Variants in FSTL4 observed in about 807,000 individuals in gnomAD.
FSTL4 encodes follistatin-related protein 4.
Under a neutral mutation model 78.2 loss-of-function variants are expected in FSTL4, and 28 were observed. That is an observed-to-expected ratio of 0.36 (90% CI 0.27 to 0.49). The LOEUF (loss-of-function observed/expected upper bound fraction) is 0.49, where lower values mean the gene tolerates loss of function less well. Among genes scored for constraint, FSTL4 ranks in the 20% least tolerant of loss-of-function variants. The probability of loss-of-function intolerance (pLI) is 0.98; values close to 1 mark genes in which losing one functional copy is unlikely to be tolerated. For synonymous variants in FSTL4, 422 were observed against 440.5 expected, an observed-to-expected ratio of 0.96 and a Z score of 0.53; for missense variants, 922 against 1,084.9, an observed-to-expected ratio of 0.85 and a Z score of 2.11.
At chr5:133,697,615 A>G in the FSTL4 span, among the ~76,000 whole-genome samples, 1 of 152,252 alleles carries the variant, frequency 6.6e-6, no homozygotes, top group Non-Finnish European at 1.5e-5. Flanking sequence ...CTGAATTTAT[A>G]AAGTCAATCT....
chr5:133,834,545 T>C, the FSTL4 span, among the ~76,000 whole-genome samples: 1 of 151,842 alleles, frequency 6.6e-6, no homozygotes, highest in African/African-American at 2.4e-5. Context: ...TAGACATACA[T>C]AGAAAAAGGA....
At chr5:133,757,098 A>G in the FSTL4 span, among the ~76,000 whole-genome samples, 1 of 152,156 alleles carries the variant, frequency 6.6e-6, no homozygotes. Flanking sequence ...CCTCCCATTT[A>G]GCAAAATCCT....
the FSTL4 span, among the ~76,000 whole-genome samples, chr5:133,721,480 C>T: frequency 6.6e-6 from 1 of 152,164 alleles, no homozygotes; most frequent in Non-Finnish European, 1.5e-5. Flanking sequence ...TGATGAATTC[C>T]TTCAGCTTTT....
intron 4 of FSTL4, among the ~76,000 whole-genome samples, chr5:133,328,434 C>T (rs1699064177): frequency 6.6e-6 from 1 of 152,208 alleles, no homozygotes; most frequent in Non-Finnish European, 1.5e-5. Context: ...TTGGTTGGAT[C>T]CCTGGGAGAG....
the FSTL4 span, among the ~76,000 whole-genome samples, chr5:133,617,847 G>A: frequency 2.0e-5 from 3 of 152,076 alleles, no homozygotes; most frequent in African/African-American, 7.2e-5. Flanking sequence ...AGATGAGGGC[G>A]TGGCATACGA....
the FSTL4 span, among the ~76,000 whole-genome samples, chr5:133,693,708 A>G: frequency 3.3e-5 from 5 of 152,200 alleles, no homozygotes; most frequent in Non-Finnish European, 7.3e-5. Context: ...ATAGAAGTTT[A>G]TTTGGCTCAC....
At chr5:133,592,474 T>C (rs1178670399) in intron 2 of FSTL4, among the ~76,000 whole-genome samples, 1 of 152,248 alleles carries the variant, frequency 6.6e-6, no homozygotes, top group African/African-American at 2.4e-5. Context: ...CAGATAATTT[T>C]GTTCTAGTCA....
Position 133,328,132 on chromosome 5 carries a change from C to T in FSTL4, c.410-11480G>A, listed in dbSNP as rs187054456. Among the ~76,000 whole-genome samples, 7 of 152,348 alleles carry T rather than the reference C, an allele frequency of 4.6e-5. No individual in the cohort carries two copies. In the East Asian group the frequency reaches 1.2e-3, roughly 25 times the overall value. ...CCTTTTACCCAGGGTTAAACACACA[C>T]GAGGCCATGCAGACCTTGCGCCTGG... is the stretch of plus-strand genomic sequence containing the variant. On this transcript the variant is annotated intron_variant, in intron 4 of 15. Transcript: ENST00000265342.
intron 11 of FSTL4, among the ~76,000 whole-genome samples, chr5:133,222,082 C>A (rs914870453): frequency 6.6e-6 from 1 of 151,668 alleles, no homozygotes; most frequent in African/African-American, 2.4e-5. Flanking sequence ...CCCAGAGGCA[C>A]TAATGTGAGT....
At chr5:133,320,419 G>C (rs1321674559) in intron 4 of FSTL4, among the ~76,000 whole-genome samples, 1 of 151,998 alleles carries the variant, frequency 6.6e-6, no homozygotes, top group Admixed American at 6.6e-5. Context: ...TCAGCTAAAG[G>C]CTCCCTCCCC....
upstream of FSTL4, among the ~76,000 whole-genome samples, chr5:133,616,181 G>A (rs1426325950): frequency 6.6e-6 from 1 of 152,200 alleles, no homozygotes; most frequent in Non-Finnish European, 1.5e-5. Context: ...AGGGATGAAA[G>A]AGGGAACATA....
At chr5:133,809,230 G>C in the FSTL4 span, among the ~76,000 whole-genome samples, 1 of 152,114 alleles carries the variant, frequency 6.6e-6, no homozygotes, top group Admixed American at 6.5e-5. Flanking sequence ...AGCTGGGCAT[G>C]GTGGTGCATG....
At chr5:133,255,046 C>T (rs1486869070) in intron 6 of FSTL4, among the ~76,000 whole-genome samples, 2 of 152,232 alleles carry the variant, frequency 1.3e-5, no homozygotes, top group Non-Finnish European at 2.9e-5. Context: ...GCTGTGGCTC[C>T]AATGCCCCTG....
intron 13 of FSTL4, among the ~76,000 whole-genome samples, chr5:133,212,965 G>A (rs1392799568): frequency 1.3e-5 from 2 of 151,116 alleles, no homozygotes; most frequent in East Asian, 3.9e-4. Context: ...TGAAAGAAAA[G>A]AATCGCTAAC....
chr5:133,526,194 C>T (rs1000334210), intron 3 of FSTL4, among the ~76,000 whole-genome samples: 5 of 152,144 alleles, frequency 3.3e-5, no homozygotes, highest in Non-Finnish European at 4.4e-5. Context: ...ATGAGGCCTA[C>T]GGTAAATGAT....
the FSTL4 span, among the ~76,000 whole-genome samples, chr5:133,759,388 A>G: frequency 6.6e-6 from 1 of 152,192 alleles, no homozygotes; most frequent in African/African-American, 2.4e-5. Flanking sequence ...GAAATGTGGT[A>G]ATTCATATGC....
At chr5:133,722,906 T>C in the FSTL4 span, among the ~76,000 whole-genome samples, 18 of 152,354 alleles carry the variant, frequency 1.2e-4, no homozygotes, top group East Asian at 3.5e-3. Context: ...TGGTCTGGGC[T>C]ACAGAAGTTT....
chr5:133,773,074 G>A, the FSTL4 span, among the ~76,000 whole-genome samples: 7 of 151,788 alleles, frequency 4.6e-5, no homozygotes, highest in Admixed American at 4.6e-4. Flanking sequence ...TTCTAATACA[G>A]AATTAATATT....
rs1757125754 is a variant in FSTL4 at position 133,440,317 on chromosome 5, C to T, written c.161-39331G>A. On this transcript the variant is annotated intron_variant, in intron 3 of 15. Coordinates refer to ENST00000265342, the MANE Select transcript of FSTL4 (RefSeq NM_015082.2). This position sits in a 1 kb window ranked among gnomAD's most constrained non-coding sequence, Gnocchi z 4.1. Reference sequence around the variant, plus strand: ...GCTCAGGGGTGCCCGTAAGATGCCTCACCAAGCCTGTTTTTGGCAAGGGTT... The same window carrying T: ...GCTCAGGGGTGCCCGTAAGATGCCTTACCAAGCCTGTTTTTGGCAAGGGTT... Among the ~76,000 whole-genome samples the T allele has an allele frequency of 6.6e-6, 1 of 152,184 alleles. No individual in the cohort carries two copies.
Sources: allele counts gnomAD v4.1 joint callset (sites outside exome capture counted in the v4.1 genomes callset), GRCh38; gene constraint gnomAD v4.1.1; non-coding constraint Gnocchi (gnomAD v3.1); transcripts MANE v1.5; gene names NCBI Gene and HGNC (gene_info 2026-07-23, HGNC 2026-07-21).